Variants in KIAA1958 observed in about 807,000 individuals in gnomAD.
KIAA1958 encodes the protein KIAA1958.
A neutral mutation model predicts 47.2 loss-of-function variants in KIAA1958; 14 were observed. The ratio of observed to expected loss-of-function variants is 0.30; its 90% CI spans 0.20 to 0.46. The LOEUF (loss-of-function observed/expected upper bound fraction) is 0.46. KIAA1958 is among the 20% of genes least tolerant of loss of function. KIAA1958 has a pLI of 1.00. For missense variants in KIAA1958, 803 were observed against 909.2 expected, an observed-to-expected ratio of 0.88 and a Z score of 1.50; for synonymous variants, 354 against 353.3, an observed-to-expected ratio of 1.00 and a Z score of -0.02.
intron 2 of KIAA1958, among the ~76,000 whole-genome samples, chr9:112,611,968 A>T (rs1444746963): frequency 1.3e-5 from 2 of 152,088 alleles, no homozygotes; most frequent in East Asian, 3.8e-4. Flanking sequence ...AGATGCCATC[A>T]CAGTGAGGAA....
intron 2 of KIAA1958, among the ~76,000 whole-genome samples, chr9:112,641,445 A>C (rs1264013629): frequency 6.6e-6 from 1 of 150,580 alleles, no homozygotes; most frequent in Admixed American, 6.6e-5. Flanking sequence ...CCTACCAGAA[A>C]AGATTGTAGA....
chr9:112,660,574 C>T lies in KIAA1958; in HGVS notation c.*505C>T, dbSNP rs7028901. 63,050 of 156,398 alleles carry T rather than the reference C, an allele frequency of 0.4. 13,836 individuals are homozygous for T. The highest frequency in any genetic ancestry group is 0.69 in the East Asian group (3,645 of 5,286). The allele number at this position is 156,398 out of a possible 1,614,324, so 9.7% of individuals were successfully genotyped here. ...ATTGCGCTTGATGCGCCTTTTTTTT[C>T]TGTTGGTGGATAAGGTGGTTCTGGA... On this transcript the variant is annotated 3_prime_UTR_variant, in exon 4 of 4. Coordinates refer to ENST00000337530, the MANE Select transcript of KIAA1958 (RefSeq NM_133465.4).
chr9:112,535,491 C>T (rs1834838856), intron 1 of KIAA1958, among the ~76,000 whole-genome samples: 1 of 151,934 alleles, frequency 6.6e-6, no homozygotes, highest in African/African-American at 2.4e-5. Flanking sequence ...TCTGTTGATG[C>T]ACACTTAGGC....
At chr9:112,598,604 A>G (rs1836072810) in intron 2 of KIAA1958, among the ~76,000 whole-genome samples, 1 of 152,192 alleles carries the variant, frequency 6.6e-6, no homozygotes, top group Admixed American at 6.5e-5. Flanking sequence ...AAAATCTGTA[A>G]TTTTATATGA....
intron 1 of KIAA1958, among the ~76,000 whole-genome samples, chr9:112,492,916 CTTTTTTT>C (rs60299333): frequency 8.8e-6 from 1 of 114,186 alleles, no homozygotes; most frequent in African/African-American, 3.5e-5. Flanking sequence ...GCCCAGCTCA[CTTTTTTT>C]TTTTTTTTTT....
intron 3 of KIAA1958, among the ~76,000 whole-genome samples, chr9:112,652,811 G>A (rs1439403608): frequency 6.6e-6 from 1 of 152,042 alleles, no homozygotes; most frequent in Non-Finnish European, 1.5e-5. Flanking sequence ...TTGGAGAGAT[G>A]AGGTTTCACC....
chr9:112,605,789 T>C (rs1836223587), intron 2 of KIAA1958, among the ~76,000 whole-genome samples: 1 of 152,204 alleles, frequency 6.6e-6, no homozygotes. Context: ...CTTCTGCTCT[T>C]TGCGTGACTG....
intron 2 of KIAA1958, chr9:112,617,734 C>T: frequency 1.5e-6 from 1 of 688,294 alleles, no homozygotes; most frequent in Non-Finnish European, 2.4e-6. Flanking sequence ...ATGTAAATAA[C>T]ATTTATCAGT....
chr9:112,529,943 A>T (rs58509680), intron 1 of KIAA1958, among the ~76,000 whole-genome samples: 16,665 of 151,902 alleles, frequency 0.11, 1,368 homozygotes, highest in East Asian at 0.19. Context: ...TCCTGGGTTC[A>T]CACCATTCTC....
intron 2 of KIAA1958, among the ~76,000 whole-genome samples, chr9:112,615,120 T>G (rs1836388380): frequency 6.6e-6 from 1 of 152,126 alleles, no homozygotes; most frequent in African/African-American, 2.4e-5. Flanking sequence ...GTGAATATTT[T>G]ATAAAAATGA....
At chr9:112,498,007 A>AATCTGATTAGTAATAGCTTTTCCAGTGT (rs1834072568) in intron 1 of KIAA1958, among the ~76,000 whole-genome samples, 1 of 152,206 alleles carries the variant, frequency 6.6e-6, no homozygotes, top group Non-Finnish European at 1.5e-5. Context: ...GATATGCAAT[A>AATCTGATTAGTAATAGCTTTTCCAGTGT]ATCTGATTAG....
chr9:112,590,999 C>T (rs1835910223), intron 2 of KIAA1958, among the ~76,000 whole-genome samples: 1 of 152,152 alleles, frequency 6.6e-6, no homozygotes, highest in Admixed American at 6.5e-5. Context: ...CTCTGTTACT[C>T]CTGGTGGTGA....
intron 2 of KIAA1958, among the ~76,000 whole-genome samples, chr9:112,583,559 A>G (rs1462493007): frequency 6.6e-6 from 1 of 152,230 alleles, no homozygotes; most frequent in Non-Finnish European, 1.5e-5. Context: ...AGGAGAAAAA[A>G]ATCAGTTAAC....
chr9:112,587,776 G>GTC (rs1564182612), intron 2 of KIAA1958, among the ~76,000 whole-genome samples: 1 of 152,090 alleles, frequency 6.6e-6, no homozygotes, highest in African/African-American at 2.4e-5. Context: ...TAGTAACAAT[G>GTC]TCTCACCTTG....
intron 1 of KIAA1958, among the ~76,000 whole-genome samples, chr9:112,524,024 A>G (rs1441157787): frequency 6.6e-6 from 1 of 152,052 alleles, no homozygotes; most frequent in Non-Finnish European, 1.5e-5. Context: ...ATCCCATCCT[A>G]TTTCCTTTTG....
chr9:112,627,156 T>C (rs1287876422), intron 2 of KIAA1958, among the ~76,000 whole-genome samples: 1 of 152,246 alleles, frequency 6.6e-6, no homozygotes, highest in Non-Finnish European at 1.5e-5. Flanking sequence ...GTGTCATGTT[T>C]ATAATTCCAG....
chr9:112,554,143 CAT>C (rs1289792825), intron 1 of KIAA1958, among the ~76,000 whole-genome samples: 1 of 152,054 alleles, frequency 6.6e-6, no homozygotes, highest in East Asian at 1.9e-4. Flanking sequence ...ATCAAAATGA[CAT>C]AGAGGTATGT....
Position 112,487,115 on chromosome 9 carries a change from G to A in KIAA1958, c.-28G>A. On this transcript the variant is annotated 5_prime_UTR_variant, in exon 1 of 4. Transcript: ENST00000337530. The stretch of plus-strand genomic sequence containing the variant: ...CCTATGGACAGACGCACAGACACCT[G>A]CAGGTGGGTGAGAGCCCGCGCGCGG... The A allele has an allele frequency of 4.8e-6, 1 of 208,840 alleles. No individual in the cohort carries two copies. The highest frequency in any genetic ancestry group is 9.7e-6 in the Non-Finnish European group (1 of 102,672). 12.9% of individuals were successfully genotyped at this position (208,840 alleles called of 1,614,324 possible). A position where few individuals can be genotyped will look rare whatever the true frequency, so the allele number is the denominator to read the frequency against.
intron 1 of KIAA1958, among the ~76,000 whole-genome samples, chr9:112,557,919 A>G (rs192659052): frequency 1.6e-3 from 241 of 152,280 alleles, no homozygotes; most frequent in Non-Finnish European, 2.5e-3. Flanking sequence ...CATACTGGAC[A>G]CTTTGCATAA....
Sources: gnomAD v4.1 joint callset for allele counts (sites outside exome capture counted in the v4.1 genomes callset) on GRCh38, gnomAD v4.1.1 for gene constraint, MANE v1.5 for transcripts, NCBI Gene and HGNC (gene_info 2026-07-23, HGNC 2026-07-21) for gene names.